Variants in NUP98 observed in about 807,000 individuals in gnomAD.
NUP98 encodes the protein nucleoporin 98 and 96 precursor.
In NUP98, 26 loss-of-function variants were observed where a neutral mutation model predicts 191.9. That is an observed-to-expected ratio of 0.14 (90% CI 0.10 to 0.19). The LOEUF is 0.19. NUP98 is among the 10% of genes least tolerant of loss of function. The probability of loss-of-function intolerance (pLI) is 1.00; values close to 1 mark genes in which losing one functional copy is unlikely to be tolerated. For synonymous variants in NUP98, 808 were observed against 778.4 expected, an observed-to-expected ratio of 1.04 and a Z score of -0.63; for missense variants, 1,941 against 2,178.8, an observed-to-expected ratio of 0.89 and a Z score of 2.17.
intron 4 of NUP98, 95 bp from the exon 5 acceptor site, chr11:3,776,116 A>T (rs1589945353): frequency 4.9e-6 from 4 of 818,530 alleles, no homozygotes; most frequent in Admixed American, 5.2e-5. Context: ...GCATCACAGT[A>T]CTTCATTTTT....
chr11:3,772,065 T>C, intron 6 of NUP98, 137 bp from the exon 7 acceptor site: 1 of 672,220 alleles, frequency 1.5e-6, no homozygotes. Flanking sequence ...AACTAAGGAA[T>C]GACATTATAT....
intron 20 of NUP98, among the ~76,000 whole-genome samples, chr11:3,710,243 T>C (rs2078992598): frequency 6.6e-6 from 1 of 152,194 alleles, no homozygotes; most frequent in Admixed American, 6.5e-5. Flanking sequence ...ACTAATGTTC[T>C]AACCACAGAA....
chr11:3,739,025 T>G (rs539804326), intron 12 of NUP98, among the ~76,000 whole-genome samples: 1 of 152,126 alleles, frequency 6.6e-6, no homozygotes, highest in East Asian at 1.9e-4. Flanking sequence ...GATTCCGTGG[T>G]ATAAAGATGT....
At chr11:3,789,829 G>A (rs570109808) in intron 1 of NUP98, among the ~76,000 whole-genome samples, 4 of 151,990 alleles carry the variant, frequency 2.6e-5, no homozygotes, top group African/African-American at 9.7e-5. Context: ...TGCCAGGCTG[G>A]AGTGCAGTGC....
intron 10 of NUP98, among the ~76,000 whole-genome samples, chr11:3,755,644 A>G (rs2080933525): frequency 6.6e-6 from 1 of 152,132 alleles, no homozygotes; most frequent in Non-Finnish European, 1.5e-5. Flanking sequence ...AAGTTTAAAA[A>G]CAATCGTATT....
At chr11:3,734,911 GT>G (rs2079986632) in intron 13 of NUP98, among the ~76,000 whole-genome samples, 1 of 152,122 alleles carries the variant, frequency 6.6e-6, no homozygotes. Flanking sequence ...CTTAAAAAAA[GT>G]TGTTTTAATT....
chr11:3,793,768 C>T (rs1476592795), intron 1 of NUP98, among the ~76,000 whole-genome samples: 2 of 151,828 alleles, frequency 1.3e-5, no homozygotes, highest in East Asian at 3.9e-4. Context: ...GTCACGAGTT[C>T]CAGATCAGCC....
At chr11:3,695,925 C>G (rs1381270809) in intron 25 of NUP98, among the ~76,000 whole-genome samples, 2 of 152,196 alleles carry the variant, frequency 1.3e-5, no homozygotes, top group African/African-American at 4.8e-5. Flanking sequence ...GGCATGGTGG[C>G]TAATGCCTGT....
chr11:3,789,501 C>CTT (rs914589009), intron 1 of NUP98, among the ~76,000 whole-genome samples: 32 of 123,062 alleles, frequency 2.6e-4, no homozygotes, highest in Non-Finnish European at 3.1e-4. Flanking sequence ...TTACCTATTT[C>CTT]TTTTTTTTTT....
At chr11:3,676,480 CAGAA>C in intron 32 of NUP98, 25 bp downstream of exon 32, 1 of 1,606,184 alleles carries the variant, frequency 6.2e-7, no homozygotes, top group Admixed American at 1.7e-5. Flanking sequence ...AGCAAGAAGG[CAGAA>C]AGAGTGAGGA....
At position 3,700,819 on chromosome 11, in the gene NUP98, T is replaced by C. The variant is rs779147191; in HGVS notation, c.3533A>G (p.Lys1178Arg). The change falls in exon 24 of 33, where the codon AAA becomes AGA. Residue 1178 changes from lysine (K) to arginine (R), a missense_variant. Transcript: ENST00000324932. Reference sequence around the variant, plus strand: ...CAAACTGAGTTTTTCTAAGTGAACTTTGAATGGGGACTCAGTTAGGCTACA... The same window carrying C: ...CAAACTGAGTTTTTCTAAGTGAACTCTGAATGGGGACTCAGTTAGGCTACA... ...AVKPLTESPF[K>R]VHLEKLSLRQ... 97 of 1,613,614 alleles carry C rather than the reference T, an allele frequency of 6.0e-5. No homozygotes were observed. Among genetic ancestry groups the C allele is most frequent in the Non-Finnish European group, 7.0e-5 (82 of 1,179,778 alleles).
chr11:3,725,237 AAAG>A lies in NUP98; in HGVS notation c.1731-21_1731-19del, dbSNP rs768920900. On this transcript the variant is annotated intron_variant, in intron 14 of 32. Transcript: ENST00000324932. ...TGCTCTTCCTATAAACAAGAAACCA[AAAG>A]AAGAAGAAAAAAATTACTCAGGCAT... 4.0e-5 allele frequency: 48 copies of A among 1,197,054 alleles called. No individual in the cohort carries two copies. The highest frequency in any genetic ancestry group is 5.1e-5 in the South Asian group (4 of 78,978). 74.2% of individuals were successfully genotyped at this position (1,197,054 alleles called of 1,614,324 possible).
chr11:3,785,796 T>C (rs1404744643), intron 1 of NUP98, among the ~76,000 whole-genome samples: 1 of 152,102 alleles, frequency 6.6e-6, no homozygotes, highest in African/African-American at 2.4e-5. Flanking sequence ...AATACAGATA[T>C]TTGCATTAAC....
At chr11:3,698,173 C>A (rs1445572581) in intron 25 of NUP98, among the ~76,000 whole-genome samples, 1 of 152,078 alleles carries the variant, frequency 6.6e-6, no homozygotes, top group African/African-American at 2.4e-5. Flanking sequence ...ATGAAAAGAA[C>A]AGAATATAAT....
At chr11:3,724,779 T>TGAAAAAAAAAAAAAAAAAAAA (rs2079548790) in intron 15 of NUP98, among the ~76,000 whole-genome samples, 1 of 37,196 alleles carries the variant, frequency 2.7e-5, no homozygotes, top group Non-Finnish European at 5.7e-5. Flanking sequence ...AGACTCTGTC[T>TGAAAAAAAAAAAAAAAAAAAA]CAAAAAAAAA....
intron 7 of NUP98, among the ~76,000 whole-genome samples, chr11:3,770,579 A>G (rs2081496479): frequency 6.6e-6 from 1 of 151,730 alleles, no homozygotes; most frequent in Admixed American, 6.6e-5. Flanking sequence ...GTGTGTATGT[A>G]CATCTCTTTA....
In NUP98 at chr11:3,776,012, G is replaced by C. The variant is rs1467639400; in HGVS notation, c.365C>G (p.Thr122Ser). ...NKPTGFGNFG[T>S]STSSGGLFGT... ...AAAGAGTCCTCCACTGCTAGTACTGGTTCCAAAATCTAAAAATAAGAAAGA... is the reference window on the plus strand; with the variant it reads ...AAAGAGTCCTCCACTGCTAGTACTGCTTCCAAAATCTAAAAATAAGAAAGA... The change falls in exon 5 of 33, where the codon ACC becomes AGC. Residue 122 changes from threonine (T) to serine (S), a missense_variant. Physicochemically the swap from Thr to Ser is moderately conservative, Grantham distance 58. This residue lies in a region of NUP98 where 154 missense variants were observed against 182.9 expected (regional missense o/e 0.84). Coordinates refer to ENST00000324932, the MANE Select transcript of NUP98 (RefSeq NM_016320.5). 3.1e-6 allele frequency: 5 copies of C among 1,600,486 alleles called. No homozygotes were observed. Among genetic ancestry groups the C allele is most frequent in the Non-Finnish European group, 4.3e-6 (5 of 1,176,164 alleles).
At chr11:3,746,923 A>C (rs1238624109) in intron 11 of NUP98, among the ~76,000 whole-genome samples, 7 of 152,102 alleles carry the variant, frequency 4.6e-5, no homozygotes, top group African/African-American at 1.7e-4. Context: ...CAAAAAAAAA[A>C]AAAAAAAGTA....
intron 11 of NUP98, among the ~76,000 whole-genome samples, chr11:3,751,936 G>C (rs1407763066): frequency 6.6e-6 from 1 of 152,018 alleles, no homozygotes; most frequent in African/African-American, 2.4e-5. Context: ...CCAGCACTTA[G>C]GGAGGTTGAG....
Sources: gnomAD v4.1 joint callset for allele counts (sites outside exome capture counted in the v4.1 genomes callset) on GRCh38, gnomAD v4.1.1 for gene constraint, gnomAD v4.1.1 regional missense constraint, MANE v1.5 for transcripts, NCBI Gene and HGNC (gene_info 2026-07-23, HGNC 2026-07-21) for gene names.